Variants in CLIP4 observed in about 807,000 individuals in gnomAD.
CLIP4 encodes the protein CAP-Gly domain-containing linker protein 4.
CLIP4 carries 47 observed loss-of-function variants against 73.1 expected under a neutral mutation model. The observed-to-expected ratio is 0.64, with a 90% CI of 0.51 to 0.82. The LOEUF (loss-of-function observed/expected upper bound fraction) is 0.82, where lower values mean the gene tolerates loss of function less well. Among genes scored for constraint, CLIP4 ranks in the 40% least tolerant of loss-of-function variants. The pLI is 0.00. For missense variants in CLIP4, 874 were observed against 852.9 expected (o/e 1.02, Z -0.31); for synonymous variants, 306 against 295.4 (o/e 1.04, Z -0.37).
chr2:29,115,036 T>C (rs1192295318), upstream of CLIP4: 2 of 152,404 alleles, frequency 1.3e-5, no homozygotes, highest in Non-Finnish European at 2.9e-5. The surrounding 1 kb of genome is among the most constrained non-coding windows in gnomAD (Gnocchi z 5.1). Context: ...TATGAACTAA[T>C]TGCTCAACGT....
intron 14 of CLIP4, among the ~76,000 whole-genome samples, chr2:29,171,432 G>A (rs183974235): frequency 2.0e-5 from 3 of 151,626 alleles, no homozygotes; most frequent in Non-Finnish European, 2.9e-5. Context: ...AGTATTTGCC[G>A]AATATATCTT....
At chr2:29,141,625 G>A (rs913797968) in intron 6 of CLIP4, among the ~76,000 whole-genome samples, 9 of 152,054 alleles carry the variant, frequency 5.9e-5, no homozygotes, top group African/African-American at 2.2e-4. Context: ...ATGTTTAATA[G>A]TGATCATCTG....
intron 11 of CLIP4, 162 bp downstream of exon 11, chr2:29,157,509 C>A (rs1375279695): frequency 1.1e-5 from 12 of 1,059,766 alleles, no homozygotes; most frequent in Non-Finnish European, 1.7e-5. Flanking sequence ...GCCTTAAGGT[C>A]TCTTTGTTTT....
rs939363832 is a variant in CLIP4, at chr2:29,155,289, C to T, written c.1166-1065C>T. 2.0e-5 allele frequency among the ~76,000 whole-genome samples: 3 copies of T among 152,008 alleles called. No individual in the cohort carries two copies. In the East Asian group the frequency reaches 5.8e-4, roughly 29 times the overall value. On this transcript the variant is annotated intron_variant, in intron 9 of 15. Coordinates refer to ENST00000320081, the MANE Select transcript of CLIP4 (RefSeq NM_024692.6). Reference sequence around the variant, plus strand: ...TACAGCCTGGCTAACAGAACAAGACCCTGTTTCTGAACAAAAAAAAGAATC... The same window carrying T: ...TACAGCCTGGCTAACAGAACAAGACTCTGTTTCTGAACAAAAAAAAGAATC...
intron 6 of CLIP4, among the ~76,000 whole-genome samples, chr2:29,143,494 A>C (rs1323151752): frequency 2.6e-5 from 4 of 151,458 alleles, no homozygotes; most frequent in African/African-American, 9.7e-5. Flanking sequence ...CTCCCACCAG[A>C]ATGTAATGTT....
At chr2:29,154,863 A>G (rs1666815240) in intron 9 of CLIP4, among the ~76,000 whole-genome samples, 1 of 152,154 alleles carries the variant, frequency 6.6e-6, no homozygotes, top group Non-Finnish European at 1.5e-5. Context: ...ACCACAGTGC[A>G]CAGAGGGTGG....
At chr2:29,153,578 A>T (rs1015254135) in intron 9 of CLIP4, among the ~76,000 whole-genome samples, 2 of 152,106 alleles carry the variant, frequency 1.3e-5, no homozygotes, top group African/African-American at 4.8e-5. Flanking sequence ...CAAGTGTCCT[A>T]TTCTCTCGGC....
chr2:29,115,915 C>T lies in CLIP4; in HGVS notation c.-16+250C>T, dbSNP rs1405840935. On this transcript the variant is annotated intron_variant, in intron 1 of 15. Coordinates refer to ENST00000320081, the MANE Select transcript of CLIP4 (RefSeq NM_024692.6). The surrounding 1 kb of genome is among the most constrained non-coding windows in gnomAD (Gnocchi z 5.1). ...GGGGACTCCTCGTGGCGGCCGCTGA[C>T]GGACGGCCCAACTTTAGGTTGAGGG... Among the ~76,000 whole-genome samples, 7 of 152,006 alleles carry T rather than the reference C, an allele frequency of 4.6e-5. No individual in the cohort carries two copies. The East Asian group carries it at 1.4e-3, about 29-fold the overall frequency.
chr2:29,101,312 G>GAA (rs75588803), intron 1 of CLIP4, among the ~76,000 whole-genome samples: 2 of 105,390 alleles, frequency 1.9e-5, no homozygotes, highest in African/African-American at 3.4e-5. Context: ...AAAAAAAAAA[G>GAA]AAAAAAAAAA....
chr2:29,163,010 A>G (rs1667389639), intron 12 of CLIP4, among the ~76,000 whole-genome samples: 1 of 152,092 alleles, frequency 6.6e-6, no homozygotes, highest in Non-Finnish European at 1.5e-5. Flanking sequence ...CTCCTTTTAA[A>G]TCACAAGTAA....
intron 6 of CLIP4, among the ~76,000 whole-genome samples, chr2:29,142,453 A>T (rs983513083): frequency 1.5e-4 from 23 of 152,114 alleles, no homozygotes; most frequent in Non-Finnish European, 2.8e-4. Flanking sequence ...GCCTGGGTGT[A>T]TTTTAAAAAT....
chr2:29,169,615 GTATTTTT>G (rs1370577444), intron 14 of CLIP4, among the ~76,000 whole-genome samples: 1 of 151,810 alleles, frequency 6.6e-6, no homozygotes, highest in Non-Finnish European at 1.5e-5. Context: ...TCTCTTTTTT[GTATTTTT>G]TATTGACGTA....
chr2:29,145,278 A>G lies in CLIP4; in HGVS notation c.932A>G (p.Gln311Arg), dbSNP rs765873203. Residue 311 changes from glutamine (Q) to arginine (R), a missense_variant, in exon 8 of 16, where the codon CAG (glutamine) becomes CGG (arginine). Physicochemically the swap from Gln to Arg is conservative, Grantham distance 43. Transcript: ENST00000320081. ...GGAACAACTGAATTTGCAAGTGGGC[A>G]GTGGGCTGGCATTGAACTGGATGAA... Reference protein sequence around the residue: ...FCGTTEFASGQWAGIELDEPE... With the variant: ...FCGTTEFASGRWAGIELDEPE... 2 of 1,613,724 alleles carry G rather than the reference A, an allele frequency of 1.2e-6. No homozygotes were observed.
chr2:29,135,098 G>C (rs1262501076), intron 5 of CLIP4, among the ~76,000 whole-genome samples: 1 of 152,114 alleles, frequency 6.6e-6, no homozygotes, highest in Non-Finnish European at 1.5e-5. Context: ...GAATGAGTGT[G>C]CCTGTGTTCT....
At chr2:29,162,694 C>A (rs1261155205) in intron 12 of CLIP4, among the ~76,000 whole-genome samples, 1 of 152,084 alleles carries the variant, frequency 6.6e-6, no homozygotes, top group African/African-American at 2.4e-5. Context: ...ACCAGACTAA[C>A]CTGGTTTAGG....
intron 9 of CLIP4, 145 bp downstream of exon 9, chr2:29,152,973 A>G (rs1298314776): frequency 2.3e-5 from 21 of 894,832 alleles, no homozygotes; most frequent in Non-Finnish European, 3.6e-5. Flanking sequence ...GTGTTTTTAA[A>G]CCTCAATTTT....
chr2:29,133,902 CT>C (rs1665162512), intron 5 of CLIP4, 86 bp downstream of exon 5: 1 of 1,216,654 alleles, frequency 8.2e-7, no homozygotes, highest in Non-Finnish European at 1.1e-6. Flanking sequence ...ATATTTTTTC[CT>C]TCTAATCCAT....
chr2:29,178,660 A>C (rs1412938677), intron 15 of CLIP4, among the ~76,000 whole-genome samples: 1 of 152,206 alleles, frequency 6.6e-6, no homozygotes, highest in Non-Finnish European at 1.5e-5. Context: ...CACAATAATA[A>C]ATGAAAAAAA....
In CLIP4 at chr2:29,183,451, C is replaced by G. The variant is rs932524980; in HGVS notation, c.*1558C>G. 1.3e-5 allele frequency: 2 copies of G among 152,572 alleles called. No individual in the cohort carries two copies. The highest frequency in any genetic ancestry group is 2.9e-5 in the Non-Finnish European group (2 of 68,026). 9.5% of individuals were successfully genotyped at this position (152,572 alleles called of 1,614,324 possible). A position where few individuals can be genotyped will look rare whatever the true frequency, so the allele number is the denominator to read the frequency against. ...TATTTTTATTGATTGAAGGAAATGA[C>G]TGTACTGCGATTCAAAAGTAAACTT... On this transcript the variant is annotated 3_prime_UTR_variant, in exon 16 of 16. Coordinates refer to ENST00000320081, the MANE Select transcript of CLIP4 (RefSeq NM_024692.6).
Sources: gnomAD v4.1 joint callset for allele counts (sites outside exome capture counted in the v4.1 genomes callset) on GRCh38, gnomAD v4.1.1 for gene constraint, Gnocchi (gnomAD v3.1) non-coding constraint, MANE v1.5 for transcripts, NCBI Gene and HGNC (gene_info 2026-07-23, HGNC 2026-07-21) for gene names.